TMIGD3: variants seen among roughly 807,000 people sequenced by gnomAD.
The protein encoded by TMIGD3 is AD026 protein (AD026).
TMIGD3 carries 21 observed loss-of-function variants against 28.1 expected under a neutral mutation model. The observed-to-expected ratio is 0.75, with a 90% CI of 0.53 to 1.08. The LOEUF is 1.08. Ranked by LOEUF, TMIGD3 falls within the 50% of genes least tolerant of loss-of-function variation. The pLI, the probability that TMIGD3 is intolerant of heterozygous loss-of-function variation, is 0.00. For missense variants in TMIGD3, 416 were observed against 435.6 expected (o/e 0.96, Z 0.40); for synonymous variants, 151 against 162.1 (o/e 0.93, Z 0.52).
At position 111,483,692 on chromosome 1, in the gene TMIGD3, T is replaced by A; in HGVS notation, c.1039A>T (p.Met347Leu). Residue 347 changes from methionine (M) to leucine (L), a missense_variant, in exon 6 of 6, where the codon ATG (methionine) becomes TTG (leucine). By Grantham distance (15) the Met-to-Leu change is conservative. Coordinates refer to ENST00000369716, the MANE Select transcript of TMIGD3 (RefSeq NM_020683.7). ...TPKEMAPTEQM is the reference protein window; with the variant it reads ...TPKEMAPTEQL ...TAAATTAAAAAAATCTTCAGTCACATCTGTTCAGTAGGAGCCATTTCCTTT... is the reference window on the plus strand; with the variant it reads ...TAAATTAAAAAAATCTTCAGTCACAACTGTTCAGTAGGAGCCATTTCCTTT... The A allele has an allele frequency of 6.2e-7, 1 of 1,612,886 alleles. No homozygotes were observed. Among genetic ancestry groups the A allele is most frequent in the South Asian group, 1.1e-5 (1 of 91,058 alleles).
intron 1 of TMIGD3, among the ~76,000 whole-genome samples, chr1:111,520,835 C>A (rs1656032602): frequency 6.6e-6 from 1 of 152,134 alleles, no homozygotes; most frequent in African/African-American, 2.4e-5. Flanking sequence ...TTATTTTATA[C>A]CTTTATTGAA....
chr1:111,558,011 G>C (rs1657572245), intron 1 of TMIGD3, among the ~76,000 whole-genome samples: 1 of 152,028 alleles, frequency 6.6e-6, no homozygotes, highest in Admixed American at 6.5e-5. Context: ...TTGAATAAAG[G>C]CATAGAATCT....
rs1464481120 is a variant in TMIGD3, at chr1:111,483,720, A to G, written c.1011T>C (p.Thr337=). 3 of 1,613,958 alleles carry G rather than the reference A, an allele frequency of 1.9e-6. No homozygotes were observed. In the African/African-American group the frequency reaches 4.0e-5, roughly 22 times the overall value. ...GTTCAGTAGGAGCCATTTCCTTTGG[A>G]GTCAGGACACGCGAGAAGGGCTTCA... ...NTLKPFSRVL[T]PKEMAPTEQM Residue 337 remains threonine, a synonymous_variant, in exon 6 of 6, where the codon ACT becomes ACC. Coordinates refer to ENST00000369716, the MANE Select transcript of TMIGD3 (RefSeq NM_020683.7).
chr1:111,500,007 A>T, intron 1 of TMIGD3: 1 of 1,614,178 alleles, frequency 6.2e-7, no homozygotes, highest in East Asian at 2.2e-5. Context: ...GGCAGACCAC[A>T]CAAGCTTTGA....
chr1:111,487,155 T>G (rs915914033), intron 3 of TMIGD3, among the ~76,000 whole-genome samples: 1 of 152,218 alleles, frequency 6.6e-6, no homozygotes, highest in African/African-American at 2.4e-5. Context: ...CCCCCTCTGA[T>G]AAGACGTGGG....
chr1:111,504,079 G>T, upstream of TMIGD3: 1 of 985,430 alleles, frequency 1.0e-6, no homozygotes. Context: ...ACGAGTTGAC[G>T]CTTTGCTGAG....
chr1:111,497,327 G>GTC (rs1654936658), intron 1 of TMIGD3, among the ~76,000 whole-genome samples: 1 of 152,044 alleles, frequency 6.6e-6, no homozygotes, highest in African/African-American at 2.4e-5. Context: ...AGCCAGGATG[G>GTC]TCTCGATCTC....
At chr1:111,495,341 G>C (rs1414974635) in intron 1 of TMIGD3, among the ~76,000 whole-genome samples, 1 of 152,088 alleles carries the variant, frequency 6.6e-6, no homozygotes, top group African/African-American at 2.4e-5. Context: ...ACATACATGT[G>C]GCCAAACAGC....
chr1:111,499,872 C>T, intron 1 of TMIGD3: 7 of 1,557,314 alleles, frequency 4.5e-6, no homozygotes, highest in Non-Finnish European at 6.1e-6. Context: ...AATCCCTTGG[C>T]CCAGGCATAC....
At chr1:111,548,753 T>G (rs1432334274) in intron 1 of TMIGD3, among the ~76,000 whole-genome samples, 1 of 152,226 alleles carries the variant, frequency 6.6e-6, no homozygotes, top group Non-Finnish European at 1.5e-5. Flanking sequence ...CATTGCTGAT[T>G]TCTTTGGGGC....
At chr1:111,522,219 A>G (rs74356803) in intron 1 of TMIGD3, among the ~76,000 whole-genome samples, 1 of 152,156 alleles carries the variant, frequency 6.6e-6, no homozygotes, top group African/African-American at 2.4e-5. Context: ...GTTCTTTTTC[A>G]AAGTTGTTTT....
chr1:111,488,374 G>T (rs1427617876), intron 3 of TMIGD3, among the ~76,000 whole-genome samples: 1 of 152,134 alleles, frequency 6.6e-6, no homozygotes, highest in Non-Finnish European at 1.5e-5. Flanking sequence ...TCAACATAAA[G>T]ATCTCACATC....
At chr1:111,531,789 C>T (rs1030123669) in intron 1 of TMIGD3, among the ~76,000 whole-genome samples, 1 of 152,150 alleles carries the variant, frequency 6.6e-6, no homozygotes, top group East Asian at 1.9e-4. Flanking sequence ...TGAGCTTAAG[C>T]GATCCTACTG....
Position 111,490,749 on chromosome 1 carries a change from C to T in TMIGD3, c.364G>A (p.Gly122Arg), listed in dbSNP as rs774508226. ...VKLTVRFRIP[G>R]LPGCILSFQL... ...AATGATAGAATGCACCCAGGGAGCC[C>T]AGGAATTCTGAATCTGTTTAAGGGA... Residue 122 changes from glycine (G) to arginine (R), a missense_variant, in exon 2 of 6, where the codon GGG (glycine) becomes AGG (arginine). By Grantham distance (125) the Gly-to-Arg change is moderately radical. Coordinates refer to ENST00000369716, the MANE Select transcript of TMIGD3 (RefSeq NM_020683.7). 2 of 1,613,442 alleles carry T rather than the reference C, an allele frequency of 1.2e-6. No homozygotes were observed. Among genetic ancestry groups the T allele is most frequent in the South Asian group, 2.2e-5 (2 of 91,068 alleles).
chr1:111,513,930 T>G (rs1350641778), intron 1 of TMIGD3, among the ~76,000 whole-genome samples: 2 of 152,174 alleles, frequency 1.3e-5, no homozygotes, highest in African/African-American at 2.4e-5. Context: ...TGGGGTGCGG[T>G]TGCATGGGAG....
chr1:111,555,361 G>GAAA (rs1657442504), intron 1 of TMIGD3, among the ~76,000 whole-genome samples: 1 of 11,220 alleles, frequency 8.9e-5, no homozygotes, highest in African/African-American at 6.0e-4. Flanking sequence ...CTGAGACTCT[G>GAAA]TAAAAAAAAA....
chr1:111,495,767 A>G (rs565764234), intron 1 of TMIGD3, among the ~76,000 whole-genome samples: 2 of 152,268 alleles, frequency 1.3e-5, no homozygotes, highest in East Asian at 1.9e-4. Flanking sequence ...ATGCCCATCA[A>G]TGGCAGACTG....
chr1:111,551,800 T>C lies in TMIGD3; in HGVS notation c.107+12046A>G, dbSNP rs200175619. Among the ~76,000 whole-genome samples, 9 of 151,506 alleles carry C rather than the reference T, an allele frequency of 5.9e-5. No individual in the cohort carries two copies. The East Asian group carries it at 1.7e-3, about 29-fold the overall frequency. ...AGATGGAGTCTTTACAGAGGGATTC[T>C]GCAACTTTATTGGGGCATGCCTTCA... On this transcript the variant is annotated intron_variant, in intron 1 of 5. Transcript: ENST00000369717.
intron 2 of TMIGD3, 99 bp from the exon 3 acceptor site, chr1:111,489,123 A>G (rs1226028243): frequency 5.8e-6 from 7 of 1,206,266 alleles, no homozygotes; most frequent in Non-Finnish European, 8.1e-6. Flanking sequence ...AATTAATTAA[A>G]GAATCGGAGG....
Sources: allele counts gnomAD v4.1 joint callset (sites outside exome capture counted in the v4.1 genomes callset), GRCh38; gene constraint gnomAD v4.1.1; transcripts MANE v1.5; gene names NCBI Gene and HGNC (gene_info 2026-07-23, HGNC 2026-07-21).